DDAH1: variants seen among roughly 807,000 people sequenced by gnomAD.
The protein encoded by DDAH1 is N(G),N(G)-dimethylarginine dimethylaminohydrolase 1.
Under a neutral mutation model 28.8 loss-of-function variants are expected in DDAH1, and 19 were observed. The ratio of observed to expected loss-of-function variants is 0.66; its 90% CI spans 0.46 to 0.97. The LOEUF (loss-of-function observed/expected upper bound fraction) is 0.97. Among genes scored for constraint, DDAH1 ranks in the 50% least tolerant of loss-of-function variants. The pLI, the probability that DDAH1 is intolerant of heterozygous loss-of-function variation, is 0.00. For missense variants in DDAH1, 326 were observed against 375.9 expected, an observed-to-expected ratio of 0.87 and a Z score of 1.10; for synonymous variants, 153 against 154.4, an observed-to-expected ratio of 0.99 and a Z score of 0.07.
chr1:85,414,967 C>G (rs954639320), intron 1 of DDAH1, among the ~76,000 whole-genome samples: 2 of 150,274 alleles, frequency 1.3e-5, no homozygotes, highest in Non-Finnish European at 2.9e-5. Context: ...TTGGAAGGCC[C>G]CTGTGACTTT....
At chr1:85,345,887 A>G (rs1253357216) in intron 4 of DDAH1, among the ~76,000 whole-genome samples, 1 of 152,192 alleles carries the variant, frequency 6.6e-6, no homozygotes, top group Non-Finnish European at 1.5e-5. Context: ...GAATGAGTGG[A>G]TGAATGAATT....
chr1:85,403,372 C>T (rs572834249), intron 1 of DDAH1, among the ~76,000 whole-genome samples: 5 of 151,878 alleles, frequency 3.3e-5, no homozygotes, highest in South Asian at 2.1e-4. Flanking sequence ...TCAAAACGTG[C>T]GAGACACACT....
chr1:85,400,072 G>A (rs1373842057), intron 1 of DDAH1: 1 of 150,962 alleles, frequency 6.6e-6, no homozygotes, highest in Non-Finnish European at 1.5e-5. Context: ...CAATTGTTTA[G>A]CAAAAAAACC....
At chr1:85,483,437 C>T (rs950216790) in intron 2 of DDAH1, among the ~76,000 whole-genome samples, 12 of 152,032 alleles carry the variant, frequency 7.9e-5, no homozygotes, top group East Asian at 1.9e-4. Flanking sequence ...CTGATTGGCT[C>T]GCTCTCCCCA....
At chr1:85,417,223 A>G (rs1652926456) in intron 1 of DDAH1, among the ~76,000 whole-genome samples, 1 of 152,144 alleles carries the variant, frequency 6.6e-6, no homozygotes, top group African/African-American at 2.4e-5. Context: ...GGCTCTGTGA[A>G]GCACAGCGTG....
chr1:85,566,987 TG>T (rs1659324376), intron 1 of DDAH1, among the ~76,000 whole-genome samples: 1 of 152,322 alleles, frequency 6.6e-6, no homozygotes, highest in African/African-American at 2.4e-5. Flanking sequence ...AGATTGAGAC[TG>T]AAGGCAGAAG....
chr1:85,465,492 A>T (rs1655340745), upstream of DDAH1, among the ~76,000 whole-genome samples: 1 of 152,180 alleles, frequency 6.6e-6, no homozygotes, highest in Non-Finnish European at 1.5e-5. Context: ...CTCGGTCTGG[A>T]CAGAGCAGCT....
At chr1:85,457,896 G>A (rs962215514) in intron 1 of DDAH1, among the ~76,000 whole-genome samples, 27 of 152,084 alleles carry the variant, frequency 1.8e-4, no homozygotes, top group African/African-American at 6.3e-4. Flanking sequence ...TCACCATGTT[G>A]GCCAGGCTGG....
At chr1:85,527,542 G>A (rs1657916948) in intron 1 of DDAH1, among the ~76,000 whole-genome samples, 1 of 152,208 alleles carries the variant, frequency 6.6e-6, no homozygotes, top group African/African-American at 2.4e-5. Context: ...TCATTAAAAT[G>A]AAGGATAGGA....
chr1:85,554,291 T>TG (rs1658896848), intron 1 of DDAH1, among the ~76,000 whole-genome samples: 2 of 150,458 alleles, frequency 1.3e-5, no homozygotes, highest in African/African-American at 4.9e-5. Context: ...TTTTTTTTTT[T>TG]TTTTTTTAAT....
rs1172531895 is a variant in DDAH1 at position 85,383,685 on chromosome 1, T to C, written c.304-24838A>G. On this transcript the variant is annotated intron_variant, in intron 1 of 5. Coordinates refer to ENST00000284031, the MANE Select transcript of DDAH1 (RefSeq NM_012137.4). ...CACAGCAAACTTCACTGTTGTCTTATTTTTTAAAATTGCCACAGTCACCTC... is the reference window on the plus strand; with the variant it reads ...CACAGCAAACTTCACTGTTGTCTTACTTTTTAAAATTGCCACAGTCACCTC... Among the ~76,000 whole-genome samples the C allele has an allele frequency of 2.0e-5, 3 of 152,150 alleles. No individual in the cohort carries two copies. In the East Asian group the frequency reaches 5.8e-4, roughly 29 times the overall value.
At chr1:85,527,835 A>G (rs1293861758) in intron 1 of DDAH1, among the ~76,000 whole-genome samples, 1 of 152,210 alleles carries the variant, frequency 6.6e-6, no homozygotes, top group Non-Finnish European at 1.5e-5. Context: ...TTCTATTTTG[A>G]ATTACATTTT....
chr1:85,537,915 A>C lies in DDAH1; in HGVS notation c.-123+40069T>G, dbSNP rs563539974. On this transcript the variant is annotated intron_variant, in intron 1 of 6. Coordinates refer to the DDAH1 transcript ENST00000426972. ...CAAAAAACAAAAAAACCCACTAAGC[A>C]GATAAGTGTTCTCTTTGTCCTTGGT... is the stretch of plus-strand genomic sequence containing the variant. Among the ~76,000 whole-genome samples, 811 of 152,202 alleles carry C rather than the reference A, an allele frequency of 5.3e-3. 8 individuals are homozygous for C. The highest frequency in any genetic ancestry group is 0.019 in the African/African-American group (773 of 41,514).
intron 2 of DDAH1, among the ~76,000 whole-genome samples, chr1:85,478,404 G>A (rs1655877783): frequency 6.6e-6 from 1 of 152,218 alleles, no homozygotes; most frequent in African/African-American, 2.4e-5. Flanking sequence ...AAGTTTAATA[G>A]ACTCACAGTT....
At chr1:85,363,781 C>T (rs966268949) in intron 1 of DDAH1, among the ~76,000 whole-genome samples, 6 of 152,146 alleles carry the variant, frequency 3.9e-5, no homozygotes, top group Middle Eastern at 3.2e-3. Flanking sequence ...CATCTTTGGT[C>T]ACTGTGGCCA....
At chr1:85,547,830 T>C (rs1309746693) in intron 1 of DDAH1, among the ~76,000 whole-genome samples, 4 of 152,224 alleles carry the variant, frequency 2.6e-5, no homozygotes, top group African/African-American at 9.6e-5. Context: ...ATTTTGAACA[T>C]GTCCCAAGAG....
intron 1 of DDAH1, among the ~76,000 whole-genome samples, chr1:85,453,084 G>A (rs1654736696): frequency 6.6e-6 from 1 of 152,176 alleles, no homozygotes; most frequent in Non-Finnish European, 1.5e-5. Flanking sequence ...GCAGGCGAGT[G>A]TTTCAGGGAG....
At chr1:85,419,396 C>T (rs1031706115) in intron 1 of DDAH1, among the ~76,000 whole-genome samples, 56 of 151,868 alleles carry the variant, frequency 3.7e-4, no homozygotes, top group African/African-American at 1.1e-3. Flanking sequence ...AAAAATTAGC[C>T]AGGCATGGTG....
chr1:85,514,774 G>A (rs1322296436), intron 1 of DDAH1, among the ~76,000 whole-genome samples: 3 of 151,998 alleles, frequency 2.0e-5, no homozygotes, highest in Non-Finnish European at 2.9e-5. Context: ...TAGCCCCTGT[G>A]TCCTTGTATC....
Sources: gnomAD v4.1 joint callset for allele counts (sites outside exome capture counted in the v4.1 genomes callset) on GRCh38, gnomAD v4.1.1 for gene constraint, MANE v1.5 for transcripts, NCBI Gene and HGNC (gene_info 2026-07-23, HGNC 2026-07-21) for gene names.